Variants in PITRM1 observed in about 807,000 individuals in gnomAD.
PITRM1 encodes the protein presequence protease, mitochondrial.
In PITRM1, 100 loss-of-function variants were observed where a neutral mutation model predicts 129.9. The ratio of observed to expected loss-of-function variants is 0.77; its 90% CI spans 0.65 to 0.91. The LOEUF is 0.91. Ranked by LOEUF, PITRM1 falls within the 40% of genes least tolerant of loss-of-function variation. The pLI, the probability that PITRM1 is intolerant of heterozygous loss-of-function variation, is 0.00. For synonymous variants in PITRM1, 591 were observed against 508.8 expected, an observed-to-expected ratio of 1.16 and a Z score of -2.17; for missense variants, 1,471 against 1,318.3, an observed-to-expected ratio of 1.12 and a Z score of -1.79.
chr10:3,161,971 G>A (rs1275915664), intron 7 of PITRM1, among the ~76,000 whole-genome samples: 1 of 151,846 alleles, frequency 6.6e-6, no homozygotes, highest in African/African-American at 2.4e-5. Flanking sequence ...AGAAGTTCAA[G>A]ACCAGCCTGG....
Position 3,156,112 on chromosome 10 carries a change from T to C in PITRM1, c.1483-383A>G, listed in dbSNP as rs189108177. ...TCTAATTGAAGATAATATAGAATTC[T>C]ATTTTTTGTCTAGCGTTCATTCTAC... is the stretch of plus-strand genomic sequence containing the variant. On this transcript the variant is annotated intron_variant, in intron 13 of 26. Coordinates refer to ENST00000224949, the MANE Select transcript of PITRM1 (RefSeq NM_014889.4). 1.5e-3 allele frequency among the ~76,000 whole-genome samples: 227 copies of C among 152,372 alleles called. 2 individuals are homozygous for C. The highest frequency in any genetic ancestry group is 2.8e-3 in the Admixed American group (43 of 15,306).
At position 3,151,291 on chromosome 10, in the gene PITRM1, A is replaced by G. The variant is rs1349282215; in HGVS notation, c.1694T>C (p.Ile565Thr). 1.2e-6 allele frequency: 2 copies of G among 1,610,574 alleles called. No homozygotes were observed. The highest frequency in any genetic ancestry group is 2.2e-5 in the East Asian group (1 of 44,844). The change falls in exon 15 of 27, where the codon ATT becomes ACT. Residue 565 changes from isoleucine (I) to threonine (T), a missense_variant. Coordinates refer to ENST00000224949, the MANE Select transcript of PITRM1 (RefSeq NM_014889.4). ...CTCTGTGACAGGTATGGTGGGTTCA[A>G]TATCGGAAACTTTCAACGCTGGCAG... ...SCLPALKVSD[I>T]EPTIPVTELD...
chr10:3,143,132 A>G, intron 23 of PITRM1: 2 of 487,194 alleles, frequency 4.1e-6, no homozygotes, highest in South Asian at 2.4e-5. Context: ...GTTTAAGGTC[A>G]TAGGTATCTG....
chr10:3,162,360 G>T (rs1842528511), intron 7 of PITRM1, among the ~76,000 whole-genome samples: 1 of 152,126 alleles, frequency 6.6e-6, no homozygotes, highest in African/African-American at 2.4e-5. Context: ...AAATGAAGAA[G>T]TTACAGAACT....
chr10:3,149,848 G>C (rs529606253), intron 15 of PITRM1, 95 bp from the exon 16 acceptor site: 1 of 1,343,176 alleles, frequency 7.4e-7, no homozygotes, highest in Admixed American at 1.8e-5. Context: ...GTTTTTTCAA[G>C]AATGGAGGTT....
chr10:3,167,294 AG>A (rs1564437113), intron 2 of PITRM1, among the ~76,000 whole-genome samples: 9 of 151,758 alleles, frequency 5.9e-5, no homozygotes, highest in Non-Finnish European at 1.3e-4. Context: ...AGAGCGAGCG[AG>A]CGAGCGAGCG....
Position 3,145,692 on chromosome 10 carries a change from C to T in PITRM1, c.2361G>A (p.Gln787=). 6.4e-7 allele frequency: 1 copy of T among 1,550,760 alleles called. No homozygotes were observed. The highest frequency in any genetic ancestry group is 8.7e-7 in the Non-Finnish European group (1 of 1,146,124). ...NMRCSVNATP[Q]QMPQTEKAVE... ...CCGCTTTTTCTGTCTGAGGCATCTGCTGAGGAGTCGCATTCACTGAACACC... is the reference window on the plus strand; with the variant it reads ...CCGCTTTTTCTGTCTGAGGCATCTGTTGAGGAGTCGCATTCACTGAACACC... The change falls in exon 21 of 27, where the codon CAG becomes CAA. Residue 787 remains glutamine, a synonymous_variant. Transcript: ENST00000224949.
In PITRM1 at chr10:3,148,298, C is replaced by T. The variant is rs1841128435; in HGVS notation, c.1872-7G>A. The T allele has an allele frequency of 6.2e-7, 1 of 1,600,376 alleles. No individual in the cohort carries two copies. The highest frequency in any genetic ancestry group is 2.2e-5 in the East Asian group (1 of 44,722). On this transcript the variant is annotated splice_polypyrimidine_tract_variant and splice_region_variant and intron_variant, in intron 16 of 26. Coordinates refer to ENST00000224949, the MANE Select transcript of PITRM1 (RefSeq NM_014889.4). ...AAGAAGGCCGCAGCCCAGCCTGACA[C>T]AGCAGAGAAGCATCGCCCCGATTAC... is the stretch of plus-strand genomic sequence containing the variant.
rs754808227 is a variant in PITRM1, at chr10:3,147,227, T to G, written c.2259A>C (p.Ala753=). Residue 753 remains alanine (A), a synonymous_variant, in exon 20 of 27, where the codon GCA becomes GCC. Coordinates refer to ENST00000224949, the MANE Select transcript of PITRM1 (RefSeq NM_014889.4). ...GGATGGGTTTGATATCTGTCATTTC[T>G]GCAATCCTCTTCATCAGCCGCACCT... ...MDQVRLMKRI[A]EMTDIKPILR... is the part of the protein sequence containing the mutation. The G allele has an allele frequency of 3.1e-6, 5 of 1,612,880 alleles. No individual in the cohort carries two copies. The highest frequency in any genetic ancestry group is 4.2e-6 in the Non-Finnish European group (5 of 1,178,910).
intron 9 of PITRM1, among the ~76,000 whole-genome samples, 199 bp downstream of exon 9, chr10:3,159,649 A>G (rs997191097): frequency 1.3e-5 from 2 of 152,222 alleles, no homozygotes; most frequent in African/African-American, 4.8e-5. Flanking sequence ...GGGCTATCAA[A>G]AACGATTTTC....
chr10:3,159,170 A>C, intron 9 of PITRM1, 128 bp from the exon 10 acceptor site: 1 of 838,412 alleles, frequency 1.2e-6, no homozygotes, highest in Non-Finnish European at 1.8e-6. Context: ...ACATTTAACA[A>C]TTTTATGAGC....
intron 15 of PITRM1, 85 bp downstream of exon 15, chr10:3,151,162 C>A: frequency 5.2e-6 from 4 of 771,946 alleles, no homozygotes; most frequent in Non-Finnish European, 9.2e-6. Context: ...ACCTCCAAGA[C>A]ATGACTCTAC....
intron 1 of PITRM1, among the ~76,000 whole-genome samples, chr10:3,170,889 G>T (rs1261388568): frequency 6.6e-6 from 1 of 151,920 alleles, no homozygotes; most frequent in Non-Finnish European, 1.5e-5. Context: ...CTTGAACCCG[G>T]GAAGTGGAGG....
chr10:3,168,149 C>A (rs904348481), intron 2 of PITRM1, among the ~76,000 whole-genome samples: 1 of 152,066 alleles, frequency 6.6e-6, no homozygotes, highest in Non-Finnish European at 1.5e-5. Flanking sequence ...CACAGTAAGT[C>A]GCTGGCCAAG....
At chr10:3,152,155 T>C (rs1186563110) in intron 14 of PITRM1, among the ~76,000 whole-genome samples, 2 of 152,198 alleles carry the variant, frequency 1.3e-5, no homozygotes, top group Non-Finnish European at 2.9e-5. Flanking sequence ...TTCCTGGGCC[T>C]GACAGTGCAT....
chr10:3,143,087 AG>A (rs545603971), intron 23 of PITRM1: 48 of 312,814 alleles, frequency 1.5e-4, no homozygotes, highest in Middle Eastern at 1.8e-3. Flanking sequence ...CCTAGAGATG[AG>A]GTGAGTACAT....
chr10:3,143,497 G>T lies in PITRM1; in HGVS notation c.2537C>A (p.Pro846His), dbSNP rs760360649. Residue 846 changes from proline (P) to histidine (H), a missense_variant, in exon 23 of 27, where the codon CCC becomes CAC. Pro to His is a moderately conservative substitution (Grantham distance 77). Transcript: ENST00000224949. ...CTTCATCTGCCAGGGCTTGAAGGTG[G>T]GTTCCTGAGGGACACGGTATGGTCA... ...SQVIRKLVME[P>H]TFKPWQMKTH... is the part of the protein sequence containing the mutation. The T allele has an allele frequency of 6.2e-7, 1 of 1,606,080 alleles. No homozygotes were observed.
chr10:3,148,156 ACGGTACCAGGCTAC>A lies in PITRM1; in HGVS notation c.1992+1_1992+14del. 6.2e-7 allele frequency: 1 copy of A among 1,613,918 alleles called. No homozygotes were observed. Among genetic ancestry groups the A allele is most frequent in the African/African-American group, 1.3e-5 (1 of 75,032 alleles). On this transcript the variant is annotated splice_donor_variant and splice_donor_5th_base_variant and intron_variant, in intron 17 of 26. Coordinates refer to ENST00000224949, the MANE Select transcript of PITRM1 (RefSeq NM_014889.4). LOFTEE classifies it high-confidence loss of function. The stretch of plus-strand genomic sequence containing the variant: ...AGCTTCCCACCGCAGCAGTCGTCTG[ACGGTACCAGGCTAC>A]CTGCTCGTAGGTGTCCATGTGTGAG...
At chr10:3,163,073 G>A (rs1378891700) in intron 7 of PITRM1, 1 of 152,180 alleles carries the variant, frequency 6.6e-6, no homozygotes, top group Non-Finnish European at 1.5e-5. Context: ...ACTTCAGCAA[G>A]GGAAAGGATA....
Sources: allele counts gnomAD v4.1 joint callset (sites outside exome capture counted in the v4.1 genomes callset), GRCh38; gene constraint gnomAD v4.1.1; transcripts MANE v1.5; gene names NCBI Gene and HGNC (gene_info 2026-07-23, HGNC 2026-07-21).